Variants in LYPLAL1 observed in about 807,000 individuals in gnomAD.
LYPLAL1 encodes the protein lysophospholipase-like protein 1.
Under a neutral mutation model 19.7 loss-of-function variants are expected in LYPLAL1, and 23 were observed. That is an observed-to-expected ratio of 1.17 (90% CI 0.84 to 1.65). The LOEUF (loss-of-function observed/expected upper bound fraction) is 1.65. LYPLAL1 is among the 40% of genes most tolerant of loss of function. The pLI is 0.00. For synonymous variants in LYPLAL1, 119 were observed against 96.3 expected, an observed-to-expected ratio of 1.24 and a Z score of -1.38; for missense variants, 355 against 279.4, an observed-to-expected ratio of 1.27 and a Z score of -1.93.
At chr1:219,268,461 G>A in the LYPLAL1 span, among the ~76,000 whole-genome samples, 1 of 152,186 alleles carries the variant, frequency 6.6e-6, no homozygotes. Context: ...GGAGGTGGAG[G>A]AAATGGGCTG....
At chr1:219,363,123 C>T in the LYPLAL1 span, among the ~76,000 whole-genome samples, 23 of 152,000 alleles carry the variant, frequency 1.5e-4, no homozygotes, top group African/African-American at 5.3e-4. Context: ...AAAAACGTGG[C>T]CAAAAAGGTT....
At chr1:219,299,240 G>T in the LYPLAL1 span, among the ~76,000 whole-genome samples, 45 of 150,494 alleles carry the variant, frequency 3.0e-4, no homozygotes, top group Non-Finnish European at 5.3e-4. Flanking sequence ...CTTATAAAAG[G>T]ATAAAGTGTT....
chr1:219,400,873 T>G, the LYPLAL1 span, among the ~76,000 whole-genome samples: 1 of 152,190 alleles, frequency 6.6e-6, no homozygotes, highest in Non-Finnish European at 1.5e-5. Context: ...CAAAGTTTAT[T>G]AAAAAGCATG....
the LYPLAL1 span, among the ~76,000 whole-genome samples, chr1:219,384,436 G>A: frequency 6.6e-6 from 1 of 152,162 alleles, no homozygotes; most frequent in Non-Finnish European, 1.5e-5. Context: ...CAATCAAGAA[G>A]CATTTGGGAG....
At chr1:219,348,841 C>T in the LYPLAL1 span, among the ~76,000 whole-genome samples, 1 of 152,068 alleles carries the variant, frequency 6.6e-6, no homozygotes, top group African/African-American at 2.4e-5. Context: ...CATCCTGTCT[C>T]TAATGGCAAA....
the LYPLAL1 span, among the ~76,000 whole-genome samples, chr1:219,293,212 C>T: frequency 1.3e-5 from 2 of 151,952 alleles, no homozygotes; most frequent in Non-Finnish European, 2.9e-5. Flanking sequence ...AACAGCTGTT[C>T]TCCACAGAGT....
the LYPLAL1 span, among the ~76,000 whole-genome samples, chr1:219,285,601 C>T: frequency 4.6e-5 from 7 of 152,120 alleles, no homozygotes; most frequent in East Asian, 9.7e-4. Flanking sequence ...CTATATTAAG[C>T]GAAAAATGCT....
At chr1:219,262,225 A>T in the LYPLAL1 span, among the ~76,000 whole-genome samples, 1 of 151,196 alleles carries the variant, frequency 6.6e-6, no homozygotes, top group African/African-American at 2.4e-5. Flanking sequence ...TATGATATCT[A>T]TTTTTCTGGA....
chr1:219,286,035 C>T, the LYPLAL1 span, among the ~76,000 whole-genome samples: 6 of 152,114 alleles, frequency 3.9e-5, no homozygotes, highest in Non-Finnish European at 8.8e-5. Flanking sequence ...AAACAACCAG[C>T]CGCAGTGCAT....
the LYPLAL1 span, among the ~76,000 whole-genome samples, chr1:219,228,176 T>G: frequency 6.6e-6 from 1 of 152,160 alleles, no homozygotes; most frequent in Non-Finnish European, 1.5e-5. Flanking sequence ...AAGGGTCCCG[T>G]AAGACCAACT....
the LYPLAL1 span, among the ~76,000 whole-genome samples, chr1:219,220,733 C>T: frequency 6.6e-6 from 1 of 152,040 alleles, no homozygotes; most frequent in African/African-American, 2.4e-5. Flanking sequence ...AGAATTATAG[C>T]GAGCATAAAA....
chr1:219,384,090 C>A, the LYPLAL1 span, among the ~76,000 whole-genome samples: 6 of 152,098 alleles, frequency 3.9e-5, no homozygotes, highest in African/African-American at 1.4e-4. Flanking sequence ...TGAAAATGAA[C>A]AAAACTCTGT....
the LYPLAL1 span, among the ~76,000 whole-genome samples, chr1:219,259,398 G>GGTATATATACATATATATATATATATAT: frequency 4.8e-4 from 39 of 81,636 alleles, no homozygotes; most frequent in African/African-American, 1.8e-3. Context: ...AAGAAAACGT[G>GGTATATATACATATATATATATATATAT]GTATATATAC....
chr1:219,273,689 G>A, the LYPLAL1 span, among the ~76,000 whole-genome samples: 2 of 152,148 alleles, frequency 1.3e-5, no homozygotes, highest in African/African-American at 4.8e-5. Context: ...AAAAGGAATT[G>A]TTTCTCTCTG....
chr1:219,378,715 T>C, the LYPLAL1 span, among the ~76,000 whole-genome samples: 1 of 151,982 alleles, frequency 6.6e-6, no homozygotes, highest in African/African-American at 2.4e-5. Flanking sequence ...TAATGAGACA[T>C]GGAGTGCTTT....
the LYPLAL1 span, among the ~76,000 whole-genome samples, chr1:219,306,470 T>C: frequency 1.3e-5 from 2 of 152,284 alleles, no homozygotes; most frequent in South Asian, 2.1e-4. Context: ...TCCAATTAGT[T>C]GAAGACCTTA....
the LYPLAL1 span, among the ~76,000 whole-genome samples, chr1:219,333,343 G>C: frequency 1.3e-5 from 2 of 152,018 alleles, no homozygotes; most frequent in Non-Finnish European, 2.9e-5. Flanking sequence ...TCCATTCCAA[G>C]AAGCTCCTTT....
intron 3 of LYPLAL1, among the ~76,000 whole-genome samples, chr1:219,194,375 T>C (rs575181487): frequency 1.3e-5 from 2 of 151,992 alleles, no homozygotes; most frequent in Non-Finnish European, 2.9e-5. Flanking sequence ...ATGTGAATCA[T>C]GTATCATTCA....
the LYPLAL1 span, among the ~76,000 whole-genome samples, chr1:219,258,437 C>T: frequency 1.3e-5 from 2 of 151,990 alleles, no homozygotes; most frequent in African/African-American, 4.8e-5. Flanking sequence ...CCAGCCAGTC[C>T]CTCCGTTCGG....
Sources: gnomAD v4.1 joint callset for allele counts (sites outside exome capture counted in the v4.1 genomes callset) on GRCh38, gnomAD v4.1.1 for gene constraint, MANE v1.5 for transcripts, NCBI Gene and HGNC (gene_info 2026-07-23, HGNC 2026-07-21) for gene names.